FILIP1: variants seen among roughly 807,000 people sequenced by gnomAD.
FILIP1 encodes the protein filamin A interacting protein 1, also known as filamin-A-interacting protein 1.
In FILIP1, 61 loss-of-function variants were observed where a neutral mutation model predicts 102.1. The ratio of observed to expected loss-of-function variants is 0.60; its 90% CI spans 0.49 to 0.74. The LOEUF is 0.74. Among genes scored for constraint, FILIP1 ranks in the 30% least tolerant of loss-of-function variants. The probability of loss-of-function intolerance (pLI) is 0.00; values close to 1 mark genes in which losing one functional copy is unlikely to be tolerated. For missense variants in FILIP1, 1,314 were observed against 1,441.2 expected (o/e 0.91, Z 1.43); for synonymous variants, 491 against 526.9 (o/e 0.93, Z 0.93).
rs568124854 is a variant in FILIP1 at position 75,384,528 on chromosome 6, C to T, written c.277-21611G>A. On this transcript the variant is annotated intron_variant, in intron 2 of 5. Transcript: ENST00000237172. ...GCTAGTTGCTGTGGTGAATCTCATACGAGTAGGACATAATCCTATGTTTGT... is the reference window on the plus strand; with the variant it reads ...GCTAGTTGCTGTGGTGAATCTCATATGAGTAGGACATAATCCTATGTTTGT... Among the ~76,000 whole-genome samples, 22 of 152,054 alleles carry T rather than the reference C, an allele frequency of 1.4e-4. No individual in the cohort carries two copies. The South Asian group carries it at 2.9e-3, about 20-fold the overall frequency.
intron 1 of FILIP1, among the ~76,000 whole-genome samples, chr6:75,469,154 T>C (rs577056401): frequency 1.3e-5 from 2 of 152,172 alleles, no homozygotes; most frequent in African/African-American, 4.8e-5. Context: ...TAGGAATTTT[T>C]AAAGTAACAA....
At chr6:75,349,979 A>G (rs1178204063) in intron 4 of FILIP1, among the ~76,000 whole-genome samples, 3 of 152,154 alleles carry the variant, frequency 2.0e-5, no homozygotes, top group Non-Finnish European at 2.9e-5. Context: ...CAGGAATCCC[A>G]GGCTTGACCT....
chr6:75,426,964 A>G (rs1777647252), intron 1 of FILIP1, among the ~76,000 whole-genome samples: 1 of 152,106 alleles, frequency 6.6e-6, no homozygotes, highest in South Asian at 2.1e-4. Flanking sequence ...ACCAGTCTAA[A>G]CTAGATACTG....
chr6:75,397,537 GACACACACACACACACACACACACACAC>G (rs59797690), intron 2 of FILIP1, among the ~76,000 whole-genome samples: 1 of 139,046 alleles, frequency 7.2e-6, no homozygotes, highest in African/African-American at 2.7e-5. Context: ...ACACATATAA[GACACACACACACACACACACACACACAC>G]ACACACACAC....
intron 1 of FILIP1, among the ~76,000 whole-genome samples, chr6:75,492,112 T>G (rs576646988): frequency 6.6e-6 from 1 of 152,370 alleles, no homozygotes; most frequent in African/African-American, 2.4e-5. Context: ...TTTGCACTAT[T>G]ATTTATACAT....
intron 6 of FILIP1, among the ~76,000 whole-genome samples, chr6:75,300,647 AGAAACTTCCTCTCTTGAT>A (rs1397470493): frequency 6.6e-6 from 1 of 152,232 alleles, no homozygotes; most frequent in Non-Finnish European, 1.5e-5. Flanking sequence ...AGGAAGTTCA[AGAAACTTCCTCTCTTGAT>A]TTGGACTTGT....
intron 2 of FILIP1, among the ~76,000 whole-genome samples, chr6:75,412,195 G>T (rs963362842): frequency 6.6e-6 from 1 of 152,034 alleles, no homozygotes; most frequent in Non-Finnish European, 1.5e-5. Context: ...ATGGGAGTTT[G>T]CTTGTGATTT....
intron 2 of FILIP1, among the ~76,000 whole-genome samples, chr6:75,375,597 G>A (rs1464124126): frequency 1.3e-5 from 2 of 152,164 alleles, no homozygotes; most frequent in Non-Finnish European, 2.9e-5. Context: ...GGCAAGAGAG[G>A]GAAAAGATAG....
chr6:75,302,836 G>GATATGAT (rs1182697134), intron 6 of FILIP1, among the ~76,000 whole-genome samples: 3 of 151,836 alleles, frequency 2.0e-5, no homozygotes, highest in South Asian at 2.1e-4. Context: ...GATATGATAT[G>GATATGAT]ATATGATATG....
At chr6:75,357,259 A>G (rs1351683550) in intron 3 of FILIP1, 2 of 152,274 alleles carry the variant, frequency 1.3e-5, no homozygotes, top group African/African-American at 4.8e-5. Context: ...GGAAGGTGGC[A>G]GCATTACTAA....
At chr6:75,389,494 T>C (rs140850391) in intron 2 of FILIP1, among the ~76,000 whole-genome samples, 1,840 of 152,288 alleles carry the variant, frequency 0.012, 31 homozygotes, top group African/African-American at 0.041. Context: ...TGTGAATCCA[T>C]CTGGTTCTGG....
chr6:75,394,862 T>C (rs1248699812), intron 2 of FILIP1, among the ~76,000 whole-genome samples: 1 of 152,082 alleles, frequency 6.6e-6, no homozygotes, highest in Non-Finnish European at 1.5e-5. Flanking sequence ...CTATCGCAAA[T>C]TTATATACCA....
intron 1 of FILIP1, among the ~76,000 whole-genome samples, chr6:75,490,681 A>G (rs1281152098): frequency 6.6e-6 from 1 of 151,756 alleles, no homozygotes; most frequent in Non-Finnish European, 1.5e-5. Context: ...GTGCATGCAT[A>G]TATACATACA....
At chr6:75,403,263 T>A (rs1479471782) in intron 2 of FILIP1, among the ~76,000 whole-genome samples, 2 of 152,002 alleles carry the variant, frequency 1.3e-5, no homozygotes, top group African/African-American at 4.8e-5. Context: ...CCTATAATCC[T>A]AGCACTTTGG....
At chr6:75,447,371 A>G (rs1420967343) in intron 1 of FILIP1, among the ~76,000 whole-genome samples, 1 of 152,136 alleles carries the variant, frequency 6.6e-6, no homozygotes, top group African/African-American at 2.4e-5. Flanking sequence ...TTTACCATAC[A>G]TTAGCTTGAG....
chr6:75,337,442 T>C (rs1774280247), intron 4 of FILIP1, among the ~76,000 whole-genome samples: 1 of 152,214 alleles, frequency 6.6e-6, no homozygotes, highest in Non-Finnish European at 1.5e-5. Context: ...GATTCCTGAA[T>C]TATGAAAAAG....
At chr6:75,305,160 A>G (rs977269933), downstream of FILIP1, among the ~76,000 whole-genome samples, 1 of 152,206 alleles carries the variant, frequency 6.6e-6, no homozygotes, top group South Asian at 2.1e-4. Context: ...TTTGGGAATC[A>G]TATCTTCCTG....
Position 75,353,608 on chromosome 6 carries a change from T to C in FILIP1, c.560A>G (p.Lys187Arg). The C allele has an allele frequency of 3.1e-6, 5 of 1,614,222 alleles. No individual in the cohort carries two copies. Among genetic ancestry groups the C allele is most frequent in the Non-Finnish European group, 4.2e-6 (5 of 1,180,048 alleles). ...GTTCATGTAGTCAGTGTGTTTATGC[T>C]TCTCGTTCTCTAACTCGTATACGGT... ...RRTVYELENE[K>R]HKHTDYMNKS... The change falls in exon 4 of 6, where the codon AAG becomes AGG. Residue 187 changes from lysine to arginine, a missense_variant. Physicochemically the swap from Lys to Arg is conservative, Grantham distance 26. Coordinates refer to ENST00000237172, the MANE Select transcript of FILIP1 (RefSeq NM_015687.5).
At chr6:75,487,579 AT>A (rs1779827790) in intron 1 of FILIP1, among the ~76,000 whole-genome samples, 1 of 150,384 alleles carries the variant, frequency 6.6e-6, no homozygotes, top group African/African-American at 2.4e-5. Flanking sequence ...TGAAAACCTA[AT>A]TTTTGCATAG....
Sources: gnomAD v4.1 joint callset for allele counts (sites outside exome capture counted in the v4.1 genomes callset) on GRCh38, gnomAD v4.1.1 for gene constraint, MANE v1.5 for transcripts, NCBI Gene and HGNC (gene_info 2026-07-23, HGNC 2026-07-21) for gene names.